Variants in ANKS1A observed in about 807,000 individuals in gnomAD.
ANKS1A encodes the protein ankyrin repeat and sterile alpha motif domain containing 1A, also known as ankyrin repeat and SAM domain-containing protein 1A.
Under a neutral mutation model 120.3 loss-of-function variants are expected in ANKS1A, and 55 were observed. The ratio of observed to expected loss-of-function variants is 0.46; its 90% CI spans 0.37 to 0.57. ANKS1A has a LOEUF of 0.57. Ranked by LOEUF, ANKS1A falls within the 20% of genes least tolerant of loss-of-function variation. The probability of loss-of-function intolerance (pLI) is 0.00; values close to 1 mark genes in which losing one functional copy is unlikely to be tolerated. For missense variants in ANKS1A, 1,123 were observed against 1,480.3 expected (o/e 0.76, Z 3.96); for synonymous variants, 590 against 604.7 (o/e 0.98, Z 0.36).
chr6:35,063,412 C>T (rs1156577774), intron 13 of ANKS1A, among the ~76,000 whole-genome samples: 5 of 152,270 alleles, frequency 3.3e-5, no homozygotes, highest in Admixed American at 3.3e-4. Flanking sequence ...TTCACTCAGC[C>T]TGACGCCCTT....
rs751222177 is a variant in ANKS1A at position 35,079,823 on chromosome 6, C to G, written c.2439C>G (p.Val813=). ...KNLWELELVN[V]LKVQLLGHRK... is the part of the protein sequence containing the mutation. ...CCTCGCTGCTCCTCATCACCCAGGT[C>G]CTGAAGGTCCAGCTGCTCGGCCATC... Residue 813 remains valine (V), a splice_region_variant and synonymous_variant, in exon 16 of 24, where the codon GTC becomes GTG. Transcript: ENST00000360359. 4 of 1,582,364 alleles carry G rather than the reference C, an allele frequency of 2.5e-6. No individual in the cohort carries two copies. The South Asian group carries it at 3.4e-5, about 14-fold the overall frequency.
chr6:35,003,844 C>CATATTGTTTT, intron 10 of ANKS1A, among the ~76,000 whole-genome samples: 1 of 152,226 alleles, frequency 6.6e-6, no homozygotes, highest in East Asian at 1.9e-4. Context: ...GAGACCCTCT[C>CATATTGTTTT]ATATTGTTTT....
intron 1 of ANKS1A, among the ~76,000 whole-genome samples, chr6:34,934,642 T>G (rs1482574607): frequency 6.6e-6 from 1 of 152,240 alleles, no homozygotes; most frequent in African/African-American, 2.4e-5. Context: ...TGGAATCTCA[T>G]GCAAGAAGAA....
chr6:35,072,083 T>C (rs1561955972), intron 13 of ANKS1A, among the ~76,000 whole-genome samples: 1 of 152,250 alleles, frequency 6.6e-6, no homozygotes, highest in Non-Finnish European at 1.5e-5. Context: ...AAGCAAAATA[T>C]TAACACGTGA....
intron 1 of ANKS1A, among the ~76,000 whole-genome samples, chr6:34,890,194 C>T (rs897395246): frequency 6.6e-6 from 1 of 151,940 alleles, no homozygotes; most frequent in African/African-American, 2.4e-5. Flanking sequence ...CGGGTTCAAG[C>T]GATTCTCCTG....
intron 9 of ANKS1A, among the ~76,000 whole-genome samples, chr6:34,991,478 G>A (rs984674604): frequency 6.7e-6 from 1 of 150,200 alleles, no homozygotes; most frequent in Non-Finnish European, 1.5e-5. Flanking sequence ...GGTGGTGACT[G>A]CTCATAGCTT....
chr6:35,087,840 C>T (rs1778075712), intron 23 of ANKS1A, among the ~76,000 whole-genome samples: 1 of 152,238 alleles, frequency 6.6e-6, no homozygotes, highest in Admixed American at 6.5e-5. Flanking sequence ...TGGGCCTTCC[C>T]CTCCAAGGAG....
At position 35,017,475 on chromosome 6, in the gene ANKS1A, C is replaced by T. The variant is rs762488747; in HGVS notation, c.1426C>T (p.His476Tyr). 7.1e-5 allele frequency: 114 copies of T among 1,600,000 alleles called. 1 individual carries two copies. The East Asian group carries it at 2.4e-3, about 34-fold the overall frequency. Residue 476 changes from histidine to tyrosine, a missense_variant and splice_region_variant, in exon 11 of 24, where the codon CAC becomes TAC. Around this residue, in one of 3 missense-constraint regions of ANKS1A, gnomAD observed 904 missense variants for 1,130.4 expected, o/e 0.80. Coordinates refer to ENST00000360359, the MANE Select transcript of ANKS1A (RefSeq NM_015245.3). Reference protein sequence around the residue: ...VVLVDGKTKDHRRSSSSRSQD... With the variant: ...VVLVDGKTKDYRRSSSSRSQD... ...TCTGTCTCTCCGTCCACTCCAAGAC[C>T]ACAGGCGGAGCAGCAGCAGCCGGAG...
At chr6:34,948,867 A>G (rs1769931121) in intron 1 of ANKS1A, among the ~76,000 whole-genome samples, 1 of 152,330 alleles carries the variant, frequency 6.6e-6, no homozygotes, top group East Asian at 1.9e-4. Flanking sequence ...AGATGATCAG[A>G]GAAGAGCTGA....
rs1458130544 is a variant in ANKS1A, at chr6:35,090,427, C to G, written c.*1818C>G. On this transcript the variant is annotated 3_prime_UTR_variant, in exon 24 of 24. Coordinates refer to ENST00000360359, the MANE Select transcript of ANKS1A (RefSeq NM_015245.3). Reference sequence around the variant, plus strand: ...GGCGGGGCGGTAGGTCCGAAAGAAACCGCAGACACTACGATGCACTCCTCA... The same window carrying G: ...GGCGGGGCGGTAGGTCCGAAAGAAAGCGCAGACACTACGATGCACTCCTCA... 1 of 1,194,980 alleles carries G rather than the reference C, an allele frequency of 8.4e-7. No homozygotes were observed. Among genetic ancestry groups the G allele is most frequent in the Non-Finnish European group, 1.1e-6 (1 of 944,080 alleles). 74.0% of individuals were successfully genotyped at this position (1,194,980 alleles called of 1,614,324 possible).
Position 34,998,591 on chromosome 6 carries a change from G to A in ANKS1A, c.1423+4169G>A, listed in dbSNP as rs980812255. ...AAGACATTGTAAAACTTCCCGGTCTGTTCTATTTCACTCTGACCACCGTTG... is the reference window on the plus strand; with the variant it reads ...AAGACATTGTAAAACTTCCCGGTCTATTCTATTTCACTCTGACCACCGTTG... On this transcript the variant is annotated intron_variant, in intron 10 of 23. Transcript: ENST00000360359. Among the ~76,000 whole-genome samples the A allele has an allele frequency of 5.3e-5, 8 of 152,136 alleles. No homozygotes were observed. The South Asian group carries it at 1.2e-3, about 24-fold the overall frequency.
intron 13 of ANKS1A, among the ~76,000 whole-genome samples, chr6:35,061,230 G>A (rs1396735472): frequency 6.6e-6 from 1 of 152,184 alleles, no homozygotes; most frequent in East Asian, 1.9e-4. Context: ...TGTGTCCAGT[G>A]CTCTGGATCT....
Position 35,054,092 on chromosome 6 carries a change from A to C in ANKS1A, c.2011-7A>C. 6.2e-7 allele frequency: 1 copy of C among 1,613,438 alleles called. No individual in the cohort carries two copies. The highest frequency in any genetic ancestry group is 8.5e-7 in the Non-Finnish European group (1 of 1,179,464). On this transcript the variant is annotated splice_polypyrimidine_tract_variant and splice_region_variant and intron_variant, in intron 11 of 23. Coordinates refer to ENST00000360359, the MANE Select transcript of ANKS1A (RefSeq NM_015245.3). ...GCCTCTCCTCTTTGTTCTTTCTTCC[A>C]TTTCAGATTGAGAAAATCATGAGTT...
chr6:34,931,812 C>G (rs1561855139), intron 1 of ANKS1A, among the ~76,000 whole-genome samples: 2 of 152,280 alleles, frequency 1.3e-5, no homozygotes, highest in South Asian at 4.1e-4. Flanking sequence ...TTAAATAACA[C>G]CCGTTTCTGT....
intron 11 of ANKS1A, among the ~76,000 whole-genome samples, chr6:35,030,168 G>A (rs1774834269): frequency 6.6e-6 from 1 of 152,176 alleles, no homozygotes. Flanking sequence ...GCATTAATTA[G>A]CAGTTACTTT....
intron 10 of ANKS1A, among the ~76,000 whole-genome samples, chr6:34,998,239 C>G (rs141706117): frequency 3.0e-4 from 46 of 152,260 alleles, no homozygotes; most frequent in African/African-American, 1.1e-3. Context: ...CCTTTAATGT[C>G]ATTGTCTTAT....
intron 11 of ANKS1A, among the ~76,000 whole-genome samples, chr6:35,052,678 A>G (rs1334734328): frequency 6.6e-6 from 1 of 150,688 alleles, no homozygotes; most frequent in African/African-American, 2.4e-5. Context: ...AGGTCTGGGG[A>G]GTTTCCCTTG....
intron 3 of ANKS1A, among the ~76,000 whole-genome samples, chr6:34,979,595 G>GTT: frequency 6.8e-6 from 1 of 147,060 alleles, no homozygotes; most frequent in East Asian, 2.0e-4. Flanking sequence ...TGTTTTTTTG[G>GTT]TTTTTTTTTT....
intron 8 of ANKS1A, among the ~76,000 whole-genome samples, chr6:34,985,918 A>T (rs1371021249): frequency 6.6e-6 from 1 of 152,194 alleles, no homozygotes; most frequent in Non-Finnish European, 1.5e-5. Flanking sequence ...TCTAGTACAG[A>T]TGCTCCTTGA....
Sources: gnomAD v4.1 joint callset for allele counts (sites outside exome capture counted in the v4.1 genomes callset) on GRCh38, gnomAD v4.1.1 for gene constraint, gnomAD v4.1.1 regional missense constraint, MANE v1.5 for transcripts, NCBI Gene and HGNC (gene_info 2026-07-23, HGNC 2026-07-21) for gene names.